The following HCN3 variants were observed in gnomAD, a reference collection of about 807,000 sequenced individuals.
The protein encoded by HCN3 is hyperpolarization activated cyclic nucleotide gated potassium channel 3, also known as potassium/sodium hyperpolarization-activated cyclic nucleotide-gated channel 3.
In HCN3, 36 loss-of-function variants were observed where a neutral mutation model predicts 56.8. The observed-to-expected ratio is 0.63, with a 90% CI of 0.49 to 0.84. The LOEUF (loss-of-function observed/expected upper bound fraction) is 0.84. Ranked by LOEUF, HCN3 falls within the 40% of genes least tolerant of loss-of-function variation. The probability of loss-of-function intolerance (pLI) is 0.00; values close to 1 mark genes in which losing one functional copy is unlikely to be tolerated. For synonymous variants in HCN3, 425 were observed against 439.7 expected, an observed-to-expected ratio of 0.97 and a Z score of 0.42; for missense variants, 930 against 1,079.3, an observed-to-expected ratio of 0.86 and a Z score of 1.94.
At position 155,277,582 on chromosome 1, in the gene HCN3, G is replaced by A. The variant is rs1673855829; in HGVS notation, c.-9G>A. 1.3e-6 allele frequency: 2 copies of A among 1,558,864 alleles called. No individual in the cohort carries two copies. Among genetic ancestry groups the A allele is most frequent in the African/African-American group, 1.3e-5 (1 of 74,104 alleles). On this transcript the variant is annotated 5_prime_UTR_variant, in exon 1 of 8. The change creates a new upstream start codon in the 5' untranslated region. Coordinates refer to ENST00000368358, the MANE Select transcript of HCN3 (RefSeq NM_020897.3). ...CTAGGAGGCCGAGCGTGTAAGCGGG[G>A]TGGGCGCCATGGAGGCAGAGCAGCG... is the stretch of plus-strand genomic sequence containing the variant.
chr1:155,285,411 G>T lies in HCN3; in HGVS notation c.1236+100G>T. The T allele has an allele frequency of 6.9e-7, 1 of 1,455,354 alleles. No homozygotes were observed. The allele number at this position is 1,455,354 out of a possible 1,614,324, so 90.2% of individuals were successfully genotyped here. The stretch of plus-strand genomic sequence containing the variant: ...CAGCAGGTGCTCCTATAGGGAATGA[G>T]GCCTGCAGAGGGCCCCGTGGGAGGC... On this transcript the variant is annotated intron_variant, in intron 5 of 7. Transcript: ENST00000368358. The surrounding 1 kb of genome is among the most constrained non-coding windows in gnomAD (Gnocchi z 4.5).
rs1307332215 is a variant in HCN3, at chr1:155,287,324, G to C, written c.1629G>C (p.Arg543=). ...CCTTTGAGACTGTGGCCATGGATCG[G>C]CTGCTCCGCATCGGTGAGACCTGTC... ...RRAFETVAMD[R]LLRIGKKNSI... is the part of the protein sequence containing the mutation. Residue 543 remains arginine, a synonymous_variant, in exon 7 of 8, where the codon CGG becomes CGC. Coordinates refer to ENST00000368358, the MANE Select transcript of HCN3 (RefSeq NM_020897.3). The C allele has an allele frequency of 1.2e-6, 2 of 1,613,898 alleles. No individual in the cohort carries two copies. Among genetic ancestry groups the C allele is most frequent in the African/African-American group, 1.3e-5 (1 of 74,998 alleles).
chr1:155,277,594 G>T lies in HCN3; in HGVS notation c.4G>T (p.Glu2Ter). The T allele has an allele frequency of 6.4e-7, 1 of 1,560,986 alleles. No individual in the cohort carries two copies. Among genetic ancestry groups the T allele is most frequent in the Admixed American group, 1.9e-5 (1 of 51,836 alleles). The change falls in exon 1 of 8, where the codon GAG becomes TAG. Residue 2 changes from glutamate (E) to a stop codon, truncating the protein, a stop_gained. Coordinates refer to ENST00000368358, the MANE Select transcript of HCN3 (RefSeq NM_020897.3). LOFTEE classifies it high-confidence loss of function. ...GCGTGTAAGCGGGGTGGGCGCCATG[G>T]AGGCAGAGCAGCGGCCGGCGGCGGG... M[E>*]AEQRPAAGAS...
Position 155,277,540 on chromosome 1 carries a change from G to A in HCN3, c.-51G>A. On this transcript the variant is annotated 5_prime_UTR_variant, in exon 1 of 8. Transcript: ENST00000368358. ...TGCTCTGGAGGGGTTGCGGGTACCTGATGGCCACAGAGGGCTCTAGGAGGC... is the reference window on the plus strand; with the variant it reads ...TGCTCTGGAGGGGTTGCGGGTACCTAATGGCCACAGAGGGCTCTAGGAGGC... 1 of 1,508,358 alleles carries A rather than the reference G, an allele frequency of 6.6e-7. No individual in the cohort carries two copies. Among genetic ancestry groups the A allele is most frequent in the Admixed American group, 2.1e-5 (1 of 47,382 alleles). The allele number at this position is 1,508,358 out of a possible 1,614,324, so 93.4% of individuals were successfully genotyped here. A position where few individuals can be genotyped will look rare whatever the true frequency, so the allele number is the denominator to read the frequency against.
At position 155,285,859 on chromosome 1, in the gene HCN3, G is replaced by C. The variant is rs755211130; in HGVS notation, c.1372G>C (p.Glu458Gln). Residue 458 changes from glutamate (E) to glutamine (Q), a missense_variant, in exon 6 of 8, where the codon GAG becomes CAG. Transcript: ENST00000368358. The surrounding 1 kb of genome is among the most constrained non-coding windows in gnomAD (Gnocchi z 4.5). ...VFQPGDLVVREGSVGRKMYFI... is the reference protein window; with the variant it reads ...VFQPGDLVVRQGSVGRKMYFI... ...CCAGCCGGGGGATCTCGTGGTGCGT[G>C]AGGGCTCCGTGGGGAGGAAGATGTA... is the stretch of plus-strand genomic sequence containing the variant. The C allele has an allele frequency of 6.2e-6, 10 of 1,614,126 alleles. No homozygotes were observed. Among genetic ancestry groups the C allele is most frequent in the Non-Finnish European group, 7.6e-6 (9 of 1,180,036 alleles).
At chr1:155,278,739 C>T (rs140103918) in intron 1 of HCN3, among the ~76,000 whole-genome samples, 13 of 152,256 alleles carry the variant, frequency 8.5e-5, no homozygotes, top group Non-Finnish European at 1.6e-4. Context: ...CATATATACA[C>T]ACTCCCTCTA....
chr1:155,284,851 C>A lies in HCN3; in HGVS notation c.1089+94C>A. 1 of 1,148,672 alleles carries A rather than the reference C, an allele frequency of 8.7e-7. No homozygotes were observed. Among genetic ancestry groups the A allele is most frequent in the Non-Finnish European group, 1.2e-6 (1 of 807,374 alleles). 71.2% of individuals were successfully genotyped at this position (1,148,672 alleles called of 1,614,324 possible). On this transcript the variant is annotated intron_variant, in intron 4 of 7. Transcript: ENST00000368358. This position sits in a 1 kb window ranked among gnomAD's most constrained non-coding sequence, Gnocchi z 4.3. The stretch of plus-strand genomic sequence containing the variant: ...CCCATTCTGATGTGTGCCCCTGTTG[C>A]GTCTCTGTTTCCTTTCCTGCCCTGT...
chr1:155,288,223 T>C lies in HCN3; in HGVS notation c.2085T>C (p.Gly695=). The change falls in exon 8 of 8, where the codon GGT becomes GGC. Residue 695 remains glycine, a synonymous_variant. Transcript: ENST00000368358. The surrounding 1 kb of genome is among the most constrained non-coding windows in gnomAD (Gnocchi z 6.5). The stretch of plus-strand genomic sequence containing the variant: ...GGCGCTCCCAGGTCTCCCTGCTGGG[T>C]CCCCCTCCAGGAGGAGGTGGACGGC... ...RAGRSQVSLL[G]PPPGGGGRRL... 6.3e-7 allele frequency: 1 copy of C among 1,578,028 alleles called. No homozygotes were observed. The highest frequency in any genetic ancestry group is 2.3e-5 in the East Asian group (1 of 43,074).
intron 1 of HCN3, among the ~76,000 whole-genome samples, chr1:155,280,809 C>T (rs553825089): frequency 1.1e-3 from 124 of 117,912 alleles, no homozygotes; most frequent in Non-Finnish European, 1.2e-3. Flanking sequence ...GGCTGGAGTG[C>T]AATGGCGCAA....
rs1022836063 is a variant in HCN3 at position 155,282,837 on chromosome 1, G to A, written c.705G>A (p.Glu235=). 12 of 1,609,628 alleles carry A rather than the reference G, an allele frequency of 7.5e-6. No homozygotes were observed. Among genetic ancestry groups the A allele is most frequent in the African/African-American group, 1.3e-5 (1 of 74,788 alleles). Residue 235 remains glutamate (E), a synonymous_variant, in exon 2 of 8, where the codon GAG becomes GAA. Coordinates refer to ENST00000368358, the MANE Select transcript of HCN3 (RefSeq NM_020897.3). This position sits in a 1 kb window ranked among gnomAD's most constrained non-coding sequence, Gnocchi z 4.7. The stretch of plus-strand genomic sequence containing the variant: ...TCATCCGCTACATACACCAGTGGGA[G>A]GAGGTGGGGTGGGGAGATGGCGGGC... ...SRLIRYIHQW[E]EIFHMTYDLA... is the part of the protein sequence containing the mutation.
intron 7 of HCN3, 146 bp from the exon 8 acceptor site, chr1:155,287,635 C>T (rs1674342598): frequency 9.2e-7 from 1 of 1,086,612 alleles, no homozygotes; most frequent in African/African-American, 1.6e-5. Flanking sequence ...CCATCTCAAC[C>T]CCCATAGCCC....
intron 1 of HCN3, chr1:155,278,304 G>A (rs1159725683): frequency 5.0e-6 from 1 of 201,726 alleles, no homozygotes; most frequent in African/African-American, 2.3e-5. Flanking sequence ...CCGCTCCTTA[G>A]CACCTGCCTA....
intron 2 of HCN3, among the ~76,000 whole-genome samples, chr1:155,283,513 G>A (rs1047628527): frequency 4.6e-5 from 7 of 150,718 alleles, no homozygotes; most frequent in East Asian, 2.0e-4. Flanking sequence ...CCACTAACTC[G>A]TCACCTAGCA....
At chr1:155,287,077 AG>A in intron 6 of HCN3, 95 bp from the exon 7 acceptor site, 1 of 1,398,494 alleles carries the variant, frequency 7.2e-7, no homozygotes, top group Non-Finnish European at 9.8e-7. Context: ...AAGTCTAGGG[AG>A]GAGCCTTAGA....
chr1:155,282,436 C>A lies in HCN3; in HGVS notation c.304C>A (p.Leu102Met). 6.2e-7 allele frequency: 1 copy of A among 1,614,254 alleles called. No individual in the cohort carries two copies. The highest frequency in any genetic ancestry group is 2.2e-5 in the East Asian group (1 of 44,890). ...GTTTTACTGGGACCTGATCATGCTG[C>A]TGCTGATGGTGGGGAACCTCATCGT... is the stretch of plus-strand genomic sequence containing the variant. ...FRFYWDLIML[L>M]LMVGNLIVLP... The change falls in exon 2 of 8, where the codon CTG becomes ATG. Residue 102 changes from leucine (L) to methionine (M), a missense_variant. Transcript: ENST00000368358. This position sits in a 1 kb window ranked among gnomAD's most constrained non-coding sequence, Gnocchi z 4.7.
intron 1 of HCN3, among the ~76,000 whole-genome samples, chr1:155,281,933 C>T (rs1674070918): frequency 6.6e-6 from 1 of 152,168 alleles, no homozygotes; most frequent in African/African-American, 2.4e-5. Flanking sequence ...CACTATGTTG[C>T]CCAGGCTGTT....
chr1:155,287,754 A>G (rs1161333331), intron 7 of HCN3, 27 bp from the exon 8 acceptor site: 1 of 1,548,708 alleles, frequency 6.5e-7, no homozygotes, highest in African/African-American at 1.4e-5. Context: ...CCTATCCTTA[A>G]CTTCTCCCTC....
chr1:155,283,809 C>T (rs1450442624), intron 2 of HCN3, among the ~76,000 whole-genome samples, 165 bp from the exon 3 acceptor site: 1 of 152,136 alleles, frequency 6.6e-6, no homozygotes, highest in Non-Finnish European at 1.5e-5. Flanking sequence ...ATTAGCTATA[C>T]ATGTGTGCCA....
rs1025984975 is a variant in HCN3, at chr1:155,289,148, C to G, written c.*685C>G. ...TTGTAAACTGCGAGCTTCCTCTTCC[C>G]TGTACCCTCTGCCCCAGTCGTGACC... is the stretch of plus-strand genomic sequence containing the variant. On this transcript the variant is annotated 3_prime_UTR_variant, in exon 8 of 8. Coordinates refer to ENST00000368358, the MANE Select transcript of HCN3 (RefSeq NM_020897.3). 6.6e-6 allele frequency: 1 copy of G among 152,418 alleles called. No individual in the cohort carries two copies. Among genetic ancestry groups the G allele is most frequent in the Admixed American group, 6.5e-5 (1 of 15,286 alleles). The allele number at this position is 152,418 out of a possible 1,614,324, so 9.4% of individuals were successfully genotyped here. A position where few individuals can be genotyped will look rare whatever the true frequency, so the allele number is the denominator to read the frequency against.
Sources: gnomAD v4.1 joint callset for allele counts (sites outside exome capture counted in the v4.1 genomes callset) on GRCh38, gnomAD v4.1.1 for gene constraint, Gnocchi (gnomAD v3.1) non-coding constraint, MANE v1.5 for transcripts, NCBI Gene and HGNC (gene_info 2026-07-23, HGNC 2026-07-21) for gene names.